ANLN: variants seen among roughly 807,000 people sequenced by gnomAD.
ANLN encodes anillin, actin binding protein.
In ANLN, 59 loss-of-function variants were observed where a neutral mutation model predicts 135.1. The observed-to-expected ratio is 0.44, with a 90% CI of 0.35 to 0.54. The LOEUF is 0.54. Ranked by LOEUF, ANLN falls within the 20% of genes least tolerant of loss-of-function variation. The pLI is 0.00. For synonymous variants in ANLN, 406 were observed against 456.4 expected, an observed-to-expected ratio of 0.89 and a Z score of 1.41; for missense variants, 1,182 against 1,340.0, an observed-to-expected ratio of 0.88 and a Z score of 1.84.
Position 36,420,284 on chromosome 7 carries a change from T to C in ANLN, c.1985T>C (p.Leu662Pro). The C allele has an allele frequency of 6.2e-7, 1 of 1,614,120 alleles. No individual in the cohort carries two copies. The highest frequency in any genetic ancestry group is 1.1e-5 in the South Asian group (1 of 91,080). Residue 662 changes from leucine to proline, a missense_variant, in exon 11 of 24, where the codon CTT (leucine) becomes CCT (proline). Around this residue, in one of 3 missense-constraint regions of ANLN, gnomAD observed 1,022 missense variants for 1,134.0 expected, o/e 0.90. Coordinates refer to ENST00000265748, the MANE Select transcript of ANLN (RefSeq NM_018685.5). ...RVPRAESGDS[L>P]GSEDRDLLYS... is the part of the protein sequence containing the mutation. ...CCTCGAGCTGAATCTGGTGATAGCCTTGGTTCTGAAGATCGTGATCTTCTT... is the reference window on the plus strand; with the variant it reads ...CCTCGAGCTGAATCTGGTGATAGCCCTGGTTCTGAAGATCGTGATCTTCTT...
chr7:36,450,551 G>T (rs1454811605), intron 23 of ANLN, among the ~76,000 whole-genome samples: 1 of 152,160 alleles, frequency 6.6e-6, no homozygotes, highest in African/African-American at 2.4e-5. Context: ...CTACAGCCAG[G>T]AGACACAATA....
chr7:36,409,914 C>T (rs976255495), intron 5 of ANLN, among the ~76,000 whole-genome samples: 5 of 152,064 alleles, frequency 3.3e-5, no homozygotes, highest in African/African-American at 1.2e-4. Context: ...TCAAGAGATC[C>T]ACCCGCCTCG....
chr7:36,439,827 G>T (rs1424061241), intron 21 of ANLN, among the ~76,000 whole-genome samples: 1 of 152,186 alleles, frequency 6.6e-6, no homozygotes, highest in Non-Finnish European at 1.5e-5. Flanking sequence ...CATGTGATTG[G>T]TGGGTGGGGA....
At chr7:36,407,467 AAG>A (rs1488830681) in intron 4 of ANLN, among the ~76,000 whole-genome samples, 5 of 151,174 alleles carry the variant, frequency 3.3e-5, no homozygotes, top group African/African-American at 1.2e-4. Flanking sequence ...TTTTTAAATA[AAG>A]AGTGATCATA....
At chr7:36,410,113 C>T (rs1005149847) in intron 5 of ANLN, among the ~76,000 whole-genome samples, 2 of 152,054 alleles carry the variant, frequency 1.3e-5, no homozygotes, top group African/African-American at 2.4e-5. Flanking sequence ...AATAAATTGA[C>T]TATAGATATA....
In ANLN at chr7:36,407,858, T is replaced by C. The variant is rs1787255913; in HGVS notation, c.998T>C (p.Ile333Thr). 2.5e-6 allele frequency: 4 copies of C among 1,613,752 alleles called. No homozygotes were observed. The highest frequency in any genetic ancestry group is 2.7e-5 in the African/African-American group (2 of 74,916). Reference protein sequence around the residue: ...SPLKTGVSKPIVKSTLSQTVP... With the variant: ...SPLKTGVSKPTVKSTLSQTVP... ...CTGAAAACGGGGGTATCGAAACCAA[T>C]TGTGAAGTCAACTTTATCCCAGACA... The change falls in exon 5 of 24, where the codon ATT (isoleucine) becomes ACT (threonine). Residue 333 changes from isoleucine (I) to threonine (T), a missense_variant. Transcript: ENST00000265748.
rs761589292 is a variant in ANLN at position 36,390,127 on chromosome 7, C to T, written c.18+83C>T. 5.6e-6 allele frequency: 9 copies of T among 1,601,748 alleles called. No individual in the cohort carries two copies. The East Asian group carries it at 6.7e-5, about 12-fold the overall frequency. On this transcript the variant is annotated intron_variant, in intron 1 of 23. Coordinates refer to ENST00000265748, the MANE Select transcript of ANLN (RefSeq NM_018685.5). ...CTTCCTCTGTCAACCTCTGGGCGAA[C>T]CCCCACCGGGCGGAGGGCGCGTGTG...
intron 15 of ANLN, 132 bp downstream of exon 15, chr7:36,424,075 C>A: frequency 1.1e-6 from 1 of 946,796 alleles, no homozygotes; most frequent in Non-Finnish European, 1.5e-6. Flanking sequence ...TGACAAATAA[C>A]CCATCTTTCA....
At chr7:36,424,443 G>C (rs562067718) in intron 15 of ANLN, 102 bp from the exon 16 acceptor site, 2 of 918,704 alleles carry the variant, frequency 2.2e-6, no homozygotes, top group African/African-American at 3.3e-5. Flanking sequence ...AGTCATAGTG[G>C]ATTCCTTTAC....
At chr7:36,449,926 C>T in intron 23 of ANLN, 89 bp downstream of exon 23, 1 of 1,326,980 alleles carries the variant, frequency 7.5e-7, no homozygotes, top group Middle Eastern at 1.9e-4. Flanking sequence ...ACAGATGGTC[C>T]TTGACGTTGA....
At chr7:36,439,655 A>G (rs1173081003) in intron 21 of ANLN, among the ~76,000 whole-genome samples, 1 of 152,232 alleles carries the variant, frequency 6.6e-6, no homozygotes. Flanking sequence ...AAACTGAGTA[A>G]GTTAATCTGA....
chr7:36,441,009 A>C (rs1788748215), intron 21 of ANLN, among the ~76,000 whole-genome samples: 1 of 152,116 alleles, frequency 6.6e-6, no homozygotes, highest in African/African-American at 2.4e-5. Flanking sequence ...AAGGATTGGG[A>C]ATTGCTACTT....
At position 36,426,936 on chromosome 7, in the gene ANLN, C is replaced by A. The variant is rs1788103097; in HGVS notation, c.2791C>A (p.Leu931Ile). 6.2e-7 allele frequency: 1 copy of A among 1,610,656 alleles called. No individual in the cohort carries two copies. The highest frequency in any genetic ancestry group is 1.7e-5 in the Admixed American group (1 of 59,156). ...HSSVMASPGG[L>I]SAVRTSNFAL... ...CACAGTCATGGCCAGTCCAGGAGGT[C>A]TTAGTGCTGTGCGAACCAGCAACTT... The change falls in exon 20 of 24, where the codon CTT becomes ATT. Residue 931 changes from leucine to isoleucine, a missense_variant. Physicochemically the swap from Leu to Ile is conservative, Grantham distance 5. Around this residue, in one of 3 missense-constraint regions of ANLN, gnomAD observed 1,022 missense variants for 1,134.0 expected, o/e 0.90. Transcript: ENST00000265748.
intron 14 of ANLN, among the ~76,000 whole-genome samples, chr7:36,423,229 G>A (rs1787952455): frequency 6.6e-6 from 1 of 152,058 alleles, no homozygotes; most frequent in Admixed American, 6.6e-5. Context: ...GCAAATTTCA[G>A]GCATAGGGAA....
chr7:36,416,674 A>G (rs954192023), intron 8 of ANLN, among the ~76,000 whole-genome samples: 27 of 152,288 alleles, frequency 1.8e-4, no homozygotes, highest in African/African-American at 6.5e-4. Context: ...ACAAAACAAA[A>G]CAAAATGATA....
At chr7:36,428,317 A>G (rs1788169585) in intron 20 of ANLN, 1 of 1,280,266 alleles carries the variant, frequency 7.8e-7, no homozygotes, top group East Asian at 5.7e-5. Flanking sequence ...ATAAATTATG[A>G]TGTAAGAGAG....
intron 20 of ANLN, among the ~76,000 whole-genome samples, chr7:36,429,674 C>T (rs984230327): frequency 2.6e-5 from 4 of 152,182 alleles, no homozygotes; most frequent in East Asian, 1.9e-4. Flanking sequence ...TGGGATTTTA[C>T]GAACTGTGTT....
chr7:36,415,052 T>C (rs895601328), intron 7 of ANLN, among the ~76,000 whole-genome samples: 1 of 152,260 alleles, frequency 6.6e-6, no homozygotes, highest in Admixed American at 6.5e-5. Context: ...TATTTGATTA[T>C]TTCTACTATG....
At chr7:36,431,939 C>T (rs1788348888) in intron 20 of ANLN, among the ~76,000 whole-genome samples, 1 of 152,096 alleles carries the variant, frequency 6.6e-6, no homozygotes, top group South Asian at 2.1e-4. Context: ...AGGTTGGGCA[C>T]TGTAGCTCAT....
Sources: gnomAD v4.1 joint callset for allele counts (sites outside exome capture counted in the v4.1 genomes callset) on GRCh38, gnomAD v4.1.1 for gene constraint, gnomAD v4.1.1 regional missense constraint, MANE v1.5 for transcripts, NCBI Gene and HGNC (gene_info 2026-07-23, HGNC 2026-07-21) for gene names.